The following VAC14 variants were observed in gnomAD, a reference collection of about 807,000 sequenced individuals.
VAC14 encodes VAC14 component of PIKFYVE complex, also known as protein VAC14 homolog.
In VAC14, 47 loss-of-function variants were observed where a neutral mutation model predicts 85.3. That is an observed-to-expected ratio of 0.55 (90% CI 0.44 to 0.70). The LOEUF (loss-of-function observed/expected upper bound fraction) is 0.70. Among genes scored for constraint, VAC14 ranks in the 30% least tolerant of loss-of-function variants. The probability of loss-of-function intolerance (pLI) is 0.00; values close to 1 mark genes in which losing one functional copy is unlikely to be tolerated. For synonymous variants in VAC14, 447 were observed against 430.5 expected (o/e 1.04, Z -0.47); for missense variants, 861 against 1,004.3 (o/e 0.86, Z 1.93).
chr16:70,691,454 G>C (rs2053593963), intron 18 of VAC14: 1 of 984,718 alleles, frequency 1.0e-6, no homozygotes, highest in Non-Finnish European at 1.2e-6. Flanking sequence ...GCCCGGTGTG[G>C]CTTCTAGGCC....
intron 7 of VAC14, 48 bp downstream of exon 7, chr16:70,782,985 G>A (rs748039993): frequency 1.2e-5 from 19 of 1,534,224 alleles, no homozygotes; most frequent in Admixed American, 1.7e-5. Flanking sequence ...AGGTGGCAGT[G>A]GCAGCAGCAG....
At chr16:70,711,283 T>C (rs2054028217) in intron 14 of VAC14, among the ~76,000 whole-genome samples, 1 of 152,122 alleles carries the variant, frequency 6.6e-6, no homozygotes, top group Non-Finnish European at 1.5e-5. Flanking sequence ...GCCTGATCGC[T>C]TCAGGCATGG....
At chr16:70,737,418 T>G (rs2054793790) in intron 13 of VAC14, among the ~76,000 whole-genome samples, 1 of 152,198 alleles carries the variant, frequency 6.6e-6, no homozygotes, top group Non-Finnish European at 1.5e-5. Flanking sequence ...GCTGTGTGTC[T>G]CGGGAGACAG....
chr16:70,763,146 G>A (rs2032542968), intron 10 of VAC14, 121 bp from the exon 11 acceptor site: 1 of 1,410,504 alleles, frequency 7.1e-7, no homozygotes, highest in Admixed American at 2.1e-5. Flanking sequence ...ACCGTCTAGG[G>A]GGATCGGGGG....
At chr16:70,689,545 C>T (rs746755174) in intron 18 of VAC14, 56 of 985,472 alleles carry the variant, frequency 5.7e-5, no homozygotes, top group Non-Finnish European at 6.0e-5. Context: ...ATCTGGGGCC[C>T]GGAGGCGGCC....
intron 1 of VAC14, among the ~76,000 whole-genome samples, chr16:70,788,227 C>T (rs1040387728): frequency 3.3e-5 from 5 of 152,360 alleles, no homozygotes; most frequent in East Asian, 3.9e-4. Flanking sequence ...TCCTGTGAGA[C>T]AGTGAGCACT....
intron 17 of VAC14, 64 bp downstream of exon 17, chr16:70,695,480 A>C (rs1172507525): frequency 1.9e-6 from 3 of 1,546,118 alleles, no homozygotes; most frequent in Admixed American, 3.4e-5. Context: ...GCTTGACTTC[A>C]CCCACCCCAC....
intron 10 of VAC14, among the ~76,000 whole-genome samples, chr16:70,767,974 T>C (rs1244571896): frequency 2.6e-5 from 4 of 152,124 alleles, no homozygotes; most frequent in Non-Finnish European, 4.4e-5. Context: ...ACCCTCAAGC[T>C]CCGGGGCTCA....
At chr16:70,750,723 G>C (rs989506203) in intron 12 of VAC14, among the ~76,000 whole-genome samples, 4 of 152,196 alleles carry the variant, frequency 2.6e-5, no homozygotes, top group African/African-American at 9.7e-5. Context: ...AGCAGGTGAA[G>C]TCTAGTCTCT....
At chr16:70,743,955 C>A (rs1467695626) in intron 13 of VAC14, among the ~76,000 whole-genome samples, 1 of 152,042 alleles carries the variant, frequency 6.6e-6, no homozygotes, top group African/African-American at 2.4e-5. Context: ...CAAGGACTGC[C>A]CAGAAACAGC....
chr16:70,742,640 G>C (rs2030454983), intron 13 of VAC14, among the ~76,000 whole-genome samples: 1 of 152,240 alleles, frequency 6.6e-6, no homozygotes, highest in Non-Finnish European at 1.5e-5. Flanking sequence ...ACTTCACCTG[G>C]CATGTCCTGG....
intron 10 of VAC14, 117 bp from the exon 11 acceptor site, chr16:70,763,142 T>G: frequency 1.4e-6 from 2 of 1,452,450 alleles, no homozygotes; most frequent in Non-Finnish European, 9.3e-7. Context: ...AACCACCGTC[T>G]AGGGGGATCG....
rs2033789637 is a variant in VAC14, at chr16:70,781,070, T to C, written c.947-131A>G. 2.3e-6 allele frequency: 3 copies of C among 1,304,934 alleles called. No individual in the cohort carries two copies. The Admixed American group carries it at 6.0e-5, about 26-fold the overall frequency. 80.8% of individuals were successfully genotyped at this position (1,304,934 alleles called of 1,614,324 possible). A position where few individuals can be genotyped will look rare whatever the true frequency, so the allele number is the denominator to read the frequency against. On this transcript the variant is annotated intron_variant, in intron 8 of 18. Transcript: ENST00000261776. ...GGTTTCGGTCATGGGGGTGGATCCC[T>C]CACAAATGGCTTGGTGCCCTCCCCA...
At chr16:70,761,977 C>T (rs1388359890) in intron 12 of VAC14, among the ~76,000 whole-genome samples, 1 of 152,206 alleles carries the variant, frequency 6.6e-6, no homozygotes, top group African/African-American at 2.4e-5. Context: ...TACTAAGTGT[C>T]TTGCCTTTGG....
At chr16:70,781,796 C>G in intron 8 of VAC14, 73 bp downstream of exon 8, 4 of 1,565,700 alleles carry the variant, frequency 2.6e-6, no homozygotes, top group Non-Finnish European at 3.5e-6. Flanking sequence ...CCCCAGCCCC[C>G]AGTGCAGGGT....
chr16:70,704,772 G>A (rs960117158), intron 14 of VAC14, among the ~76,000 whole-genome samples: 8 of 152,224 alleles, frequency 5.3e-5, no homozygotes, highest in African/African-American at 1.4e-4. Context: ...CCTTCGCCAG[G>A]TGTCTGTAGG....
At chr16:70,725,861 C>G (rs16970464) in intron 14 of VAC14, among the ~76,000 whole-genome samples, 1 of 152,164 alleles carries the variant, frequency 6.6e-6, no homozygotes, top group Non-Finnish European at 1.5e-5. Context: ...TTAACTGGGC[C>G]GGTTCGGATC....
chr16:70,751,359 C>T (rs74024447), intron 12 of VAC14, among the ~76,000 whole-genome samples: 46 of 152,318 alleles, frequency 3.0e-4, no homozygotes, highest in African/African-American at 1.1e-3. Context: ...GCCTTGGAAG[C>T]TGAGGTCTGG....
chr16:70,692,586 T>A (rs1078465), intron 18 of VAC14, among the ~76,000 whole-genome samples: 24,246 of 152,166 alleles, frequency 0.16, 2,176 homozygotes, highest in East Asian at 0.3. Context: ...GAAGTGTTGC[T>A]ACTCCCGGCC....
Sources: allele counts gnomAD v4.1 joint callset (sites outside exome capture counted in the v4.1 genomes callset), GRCh38; gene constraint gnomAD v4.1.1; transcripts MANE v1.5; gene names NCBI Gene and HGNC (gene_info 2026-07-23, HGNC 2026-07-21).